Variants in MRE11 observed in about 807,000 individuals in gnomAD.
MRE11 encodes the protein double-strand break repair protein MRE11.
Under a neutral mutation model 91.7 loss-of-function variants are expected in MRE11, and 62 were observed. The observed-to-expected ratio is 0.68, with a 90% CI of 0.55 to 0.84. MRE11 has a LOEUF of 0.84. MRE11 is among the 40% of genes least tolerant of loss of function. The probability of loss-of-function intolerance (pLI) is 0.00; values close to 1 mark genes in which losing one functional copy is unlikely to be tolerated. For synonymous variants in MRE11, 273 were observed against 271.4 expected (o/e 1.01, Z -0.06); for missense variants, 796 against 852.9 (o/e 0.93, Z 0.83).
the MRE11 span, chr11:94,499,421 CAG>C: frequency 6.6e-6 from 1 of 151,116 alleles, no homozygotes; most frequent in African/African-American, 2.4e-5. Flanking sequence ...GGCAAAGTGA[CAG>C]GGGAAAAGGA....
chr11:94,473,891 T>G (rs1295222964), intron 7 of MRE11, among the ~76,000 whole-genome samples: 1 of 152,140 alleles, frequency 6.6e-6, no homozygotes, highest in Non-Finnish European at 1.5e-5. Flanking sequence ...ATATTTATAA[T>G]ATGATCCAGG....
At chr11:94,420,301 T>C in intron 19 of MRE11, 120 bp from the exon 20 acceptor site, 1 of 744,536 alleles carries the variant, frequency 1.3e-6, no homozygotes, top group Admixed American at 2.3e-5. Flanking sequence ...AGACTTTATT[T>C]TTCTATTTCC....
In MRE11 at chr11:94,460,981, T is replaced by A. The variant is rs1555009888; in HGVS notation, c.1281A>T (p.Leu427Phe). ...ACTGTTTTACAAGATCTTCTACCCT[T>A]AAAGTTGTTCCTTCTGAAGGCTTTG... ...LITKPSEGTTLRVEDLVKQYF... is the reference protein window; with the variant it reads ...LITKPSEGTTFRVEDLVKQYF... The change falls in exon 12 of 20, where the codon TTA becomes TTT. Residue 427 changes from leucine (L) to phenylalanine (F), a missense_variant. By Grantham distance (22) the Leu-to-Phe change is conservative (BLOSUM62 0). Transcript: ENST00000323929. The A allele has an allele frequency of 9.3e-6, 15 of 1,613,768 alleles. No individual in the cohort carries two copies. Among genetic ancestry groups the A allele is most frequent in the Non-Finnish European group, 1.2e-5 (14 of 1,179,982 alleles).
chr11:94,467,451 T>C (rs1457432033), intron 10 of MRE11, among the ~76,000 whole-genome samples: 3 of 151,690 alleles, frequency 2.0e-5, no homozygotes, highest in Non-Finnish European at 4.4e-5. Context: ...TGCAGTGAGG[T>C]GACACGGGAG....
intron 11 of MRE11, 86 bp from the exon 12 acceptor site, chr11:94,461,122 T>C: frequency 1.7e-6 from 2 of 1,191,080 alleles, no homozygotes; most frequent in Non-Finnish European, 2.4e-6. Flanking sequence ...GTGGAGAAGG[T>C]AAGGCCAAAC....
intron 10 of MRE11, 144 bp downstream of exon 10, chr11:94,467,669 A>G (rs1946599700): frequency 5.9e-6 from 4 of 683,264 alleles, no homozygotes; most frequent in Admixed American, 5.1e-5. Flanking sequence ...TCAAATCCTT[A>G]TATCTTTGTT....
At chr11:94,425,194 C>A (rs1443462935) in intron 19 of MRE11, among the ~76,000 whole-genome samples, 1 of 152,160 alleles carries the variant, frequency 6.6e-6, no homozygotes, top group East Asian at 1.9e-4. Context: ...GACCTATTTT[C>A]TGCATCCTTA....
chr11:94,452,072 A>AGC (rs1249384962), intron 14 of MRE11, among the ~76,000 whole-genome samples: 1 of 151,580 alleles, frequency 6.6e-6, no homozygotes, highest in Non-Finnish European at 1.5e-5. Flanking sequence ...TGGGCATGGT[A>AGC]GCGCGCGCTA....
At chr11:94,440,114 C>T (rs1478618137) in intron 16 of MRE11, among the ~76,000 whole-genome samples, 5 of 152,194 alleles carry the variant, frequency 3.3e-5, no homozygotes, top group Admixed American at 2.6e-4. Flanking sequence ...AACCATCATG[C>T]TCTGCTGCAA....
intron 14 of MRE11, among the ~76,000 whole-genome samples, chr11:94,452,533 C>T (rs1334319792): frequency 6.6e-6 from 1 of 152,054 alleles, no homozygotes; most frequent in Non-Finnish European, 1.5e-5. Context: ...AATAAATATG[C>T]CCTATTATGA....
intron 7 of MRE11, among the ~76,000 whole-genome samples, chr11:94,474,413 A>G (rs567200815): frequency 1.3e-5 from 2 of 152,070 alleles, no homozygotes; most frequent in African/African-American, 4.8e-5. Context: ...CAAAAAACTG[A>G]TAGTACTGGA....
rs35062043 is a variant in MRE11, at chr11:94,479,764, T to TA, written c.315-4dup. Reference sequence around the variant, plus strand: ...CTTGATAGTTCACCCATGGAAACCTTAAAAAAAAAAAGTTACTTAAAATTT... The same window carrying TA: ...CTTGATAGTTCACCCATGGAAACCTTAAAAAAAAAAAAGTTACTTAAAATTT... On this transcript the variant is annotated splice_polypyrimidine_tract_variant and splice_region_variant and intron_variant, in intron 4 of 19. Coordinates refer to ENST00000323929, the MANE Select transcript of MRE11 (RefSeq NM_005591.4). The TA allele has an allele frequency of 0.082, 85,720 of 1,044,184 alleles. 484 individuals carry two copies. Among genetic ancestry groups the TA allele is most frequent in the African/African-American group, 0.17 (10,648 of 63,608 alleles). The allele number at this position is 1,044,184 out of a possible 1,614,324, so 64.7% of individuals were successfully genotyped here.
Position 94,417,904 on chromosome 11 carries a change from C to T in MRE11, c.*2221G>A, listed in dbSNP as rs1370887197. The T allele has an allele frequency of 4.3e-6, 1 of 232,878 alleles. No individual in the cohort carries two copies. The highest frequency in any genetic ancestry group is 8.5e-6 in the Non-Finnish European group (1 of 117,956). The allele number at this position is 232,878 out of a possible 1,614,324, so 14.4% of individuals were successfully genotyped here. A position where few individuals can be genotyped will look rare whatever the true frequency, so the allele number is the denominator to read the frequency against. On this transcript the variant is annotated 3_prime_UTR_variant, in exon 20 of 20. Coordinates refer to ENST00000323929, the MANE Select transcript of MRE11 (RefSeq NM_005591.4). ...AGGAATCTTTAACCTTGTAAATGCA[C>T]TGTTGTATTTTTATGATAGGAAATA... is the stretch of plus-strand genomic sequence containing the variant.
chr11:94,432,040 C>T (rs1945475391), intron 18 of MRE11, among the ~76,000 whole-genome samples: 2 of 152,030 alleles, frequency 1.3e-5, no homozygotes, highest in Non-Finnish European at 1.5e-5. Flanking sequence ...CAAACAAGGA[C>T]TCAGAAAGGG....
chr11:94,473,740 TACAC>T (rs1946775628), intron 7 of MRE11, among the ~76,000 whole-genome samples: 1 of 152,088 alleles, frequency 6.6e-6, no homozygotes, highest in Admixed American at 6.6e-5. Context: ...TAAAATAACT[TACAC>T]AAACATTGTA....
intron 11 of MRE11, among the ~76,000 whole-genome samples, chr11:94,461,598 A>G (rs1946416237): frequency 1.3e-5 from 2 of 152,222 alleles, no homozygotes; most frequent in Admixed American, 6.5e-5. Context: ...CCTATTCAAC[A>G]CAGTGTTGGA....
chr11:94,458,648 T>C lies in MRE11; in HGVS notation c.1500+760A>G, dbSNP rs13447668. The stretch of plus-strand genomic sequence containing the variant: ...AGCCTCTTAATATACTCTGCCAAAC[T>C]GCTTTTCAGTAAAGCTATTCAAACG... On this transcript the variant is annotated intron_variant, in intron 13 of 19. Coordinates refer to ENST00000323929, the MANE Select transcript of MRE11 (RefSeq NM_005591.4). 2.0e-3 allele frequency among the ~76,000 whole-genome samples: 305 copies of C among 152,288 alleles called. 2 individuals are homozygous for C. The highest frequency in any genetic ancestry group is 7.1e-3 in the African/African-American group (294 of 41,562).
chr11:94,431,545 A>C (rs969862462), intron 18 of MRE11, among the ~76,000 whole-genome samples: 5 of 152,216 alleles, frequency 3.3e-5, no homozygotes, highest in African/African-American at 4.8e-5. Flanking sequence ...TATTGCTTGC[A>C]CAATGGTCAG....
At chr11:94,502,819 G>A in the MRE11 span, among the ~76,000 whole-genome samples, 3 of 151,976 alleles carry the variant, frequency 2.0e-5, no homozygotes, top group East Asian at 1.9e-4. Context: ...GATTACAGGC[G>A]TGCGCTACCA....
Sources: gnomAD v4.1 joint callset for allele counts (sites outside exome capture counted in the v4.1 genomes callset) on GRCh38, gnomAD v4.1.1 for gene constraint, MANE v1.5 for transcripts, NCBI Gene and HGNC (gene_info 2026-07-23, HGNC 2026-07-21) for gene names.